Variants in SCARA5 observed in about 807,000 individuals in gnomAD.
SCARA5 encodes the protein scavenger receptor class A member 5.
Under a neutral mutation model 46.3 loss-of-function variants are expected in SCARA5, and 45 were observed. That is an observed-to-expected ratio of 0.97 (90% confidence interval 0.76 to 1.24). The LOEUF (loss-of-function observed/expected upper bound fraction) is 1.24. SCARA5 is among the 50% of genes most tolerant of loss of function. The probability of loss-of-function intolerance (pLI) is 0.00; values close to 1 mark genes in which losing one functional copy is unlikely to be tolerated. For synonymous variants in SCARA5, 333 were observed against 306.5 expected (o/e 1.09, Z -0.90); for missense variants, 680 against 689.0 (o/e 0.99, Z 0.15).
chr8:27,896,703 C>G (rs765432441), intron 7 of SCARA5, among the ~76,000 whole-genome samples: 1 of 152,128 alleles, frequency 6.6e-6, no homozygotes, highest in African/African-American at 2.4e-5. Flanking sequence ...CCATATACCC[C>G]CTCCTGCCAC....
At chr8:27,970,518 A>T (rs944670196) in intron 2 of SCARA5, among the ~76,000 whole-genome samples, 1 of 152,234 alleles carries the variant, frequency 6.6e-6, no homozygotes, top group Non-Finnish European at 1.5e-5. Context: ...AAGTTTCTGC[A>T]TAAACTGCCC....
intron 3 of SCARA5, among the ~76,000 whole-genome samples, chr8:27,957,724 C>T (rs890706025): frequency 6.6e-6 from 1 of 152,236 alleles, no homozygotes; most frequent in African/African-American, 2.4e-5. Context: ...TCAGTTTCCT[C>T]ATTTATAAAC....
chr8:27,983,695 G>A (rs13258858), intron 2 of SCARA5, among the ~76,000 whole-genome samples: 57,440 of 152,052 alleles, frequency 0.38, 11,311 homozygotes, highest in Middle Eastern at 0.52. Flanking sequence ...TCTCAGTGAA[G>A]ATGAGTCCTG....
chr8:27,879,432 C>T lies in SCARA5; in HGVS notation c.1351+137G>A, dbSNP rs530697639. 36 of 789,480 alleles carry T rather than the reference C, an allele frequency of 4.6e-5. No homozygotes were observed. The African/African-American group carries it at 5.9e-4, about 13-fold the overall frequency. 48.9% of individuals were successfully genotyped at this position (789,480 alleles called of 1,614,324 possible). On this transcript the variant is annotated intron_variant, in intron 8 of 8. Transcript: ENST00000354914. The stretch of plus-strand genomic sequence containing the variant: ...GTTGCCTGGGGCGGGGCAGTGAGTT[C>T]TTATTGCAGCAAGCATTTGGGGAGA...
At chr8:27,904,488 A>C in intron 7 of SCARA5, 1 of 533,968 alleles carries the variant, frequency 1.9e-6, no homozygotes, top group Non-Finnish European at 3.3e-6. Context: ...GAGAACACTG[A>C]GGCACAGAGA....
At chr8:27,875,488 G>C (rs1422621954) in intron 8 of SCARA5, among the ~76,000 whole-genome samples, 3 of 152,184 alleles carry the variant, frequency 2.0e-5, no homozygotes, top group Non-Finnish European at 2.9e-5. Context: ...CCTCAGGAAA[G>C]ATCATTGAGC....
At chr8:27,919,448 C>A (rs779848867) in intron 4 of SCARA5, among the ~76,000 whole-genome samples, 1 of 152,078 alleles carries the variant, frequency 6.6e-6, no homozygotes, top group Non-Finnish European at 1.5e-5. Context: ...AATTAAATAT[C>A]TCGAGAACAT....
Position 27,871,710 on chromosome 8 carries a change from G to A in SCARA5, c.*224C>T, listed in dbSNP as rs1657085795. The A allele has an allele frequency of 3.6e-6, 5 of 1,395,446 alleles. No homozygotes were observed. The highest frequency in any genetic ancestry group is 2.7e-5 in the East Asian group (1 of 37,696). The allele number at this position is 1,395,446 out of a possible 1,614,324, so 86.4% of individuals were successfully genotyped here. A position where few individuals can be genotyped will look rare whatever the true frequency, so the allele number is the denominator to read the frequency against. On this transcript the variant is annotated 3_prime_UTR_variant, in exon 9 of 9. Transcript: ENST00000354914. ...AGGGCTCCTCATGCAGGAACCTGGT[G>A]GAAGAGAGAGACGGGCAGTAGGTCC...
intron 8 of SCARA5, among the ~76,000 whole-genome samples, chr8:27,872,989 G>A (rs912755622): frequency 3.9e-5 from 6 of 152,134 alleles, no homozygotes; most frequent in Admixed American, 6.5e-5. Context: ...GATCATTCCC[G>A]GAGGAATTTG....
chr8:27,899,596 C>T (rs764665949), intron 7 of SCARA5, among the ~76,000 whole-genome samples: 31 of 152,226 alleles, frequency 2.0e-4, no homozygotes, highest in Admixed American at 4.6e-4. Context: ...GCCAAGGCTC[C>T]GCCATTACAA....
intron 3 of SCARA5, among the ~76,000 whole-genome samples, chr8:27,962,739 T>C (rs1808311616): frequency 6.6e-6 from 1 of 152,212 alleles, no homozygotes; most frequent in Admixed American, 6.5e-5. Flanking sequence ...CTCTCCTTTG[T>C]ATAATTTGGC....
chr8:27,890,523 C>T (rs908557035), intron 7 of SCARA5, among the ~76,000 whole-genome samples: 2 of 152,188 alleles, frequency 1.3e-5, no homozygotes, highest in African/African-American at 2.4e-5. Flanking sequence ...GAATAGATGG[C>T]GTGGAGGGCA....
rs572637807 is a variant in SCARA5, at chr8:27,924,810, C to T, written c.242-2565G>A. On this transcript the variant is annotated intron_variant, in intron 3 of 8. Transcript: ENST00000354914. ...AAACTCTCAGGATACAAAATCAATG[C>T]GCAAAAATCACAAGCATTCCTATAC... Among the ~76,000 whole-genome samples the T allele has an allele frequency of 3.6e-3, 554 of 152,172 alleles. 5 individuals carry two copies. The highest frequency in any genetic ancestry group is 0.012 in the African/African-American group (491 of 41,530).
intron 7 of SCARA5, among the ~76,000 whole-genome samples, chr8:27,884,116 T>C (rs1806854715): frequency 6.6e-6 from 1 of 152,134 alleles, no homozygotes. Context: ...CCAGGAATGA[T>C]GCTAAAGACT....
At chr8:27,954,260 G>T (rs1196107651) in intron 3 of SCARA5, among the ~76,000 whole-genome samples, 1 of 152,042 alleles carries the variant, frequency 6.6e-6, no homozygotes, top group Non-Finnish European at 1.5e-5. Flanking sequence ...ACCATGCTGG[G>T]GGCTGTGTTC....
intron 3 of SCARA5, among the ~76,000 whole-genome samples, chr8:27,957,478 G>A (rs1808223689): frequency 6.6e-6 from 1 of 152,200 alleles, no homozygotes; most frequent in Non-Finnish European, 1.5e-5. Context: ...AGGACATTAA[G>A]GATCAGGTAG....
chr8:27,944,725 C>A (rs1198293898), intron 3 of SCARA5, among the ~76,000 whole-genome samples: 1 of 141,296 alleles, frequency 7.1e-6, no homozygotes, highest in Non-Finnish European at 1.5e-5. Context: ...AAAAAAGTAG[C>A]TGGGCATGGT....
At chr8:27,945,303 C>G (rs1563534385) in intron 3 of SCARA5, among the ~76,000 whole-genome samples, 2 of 151,980 alleles carry the variant, frequency 1.3e-5, no homozygotes, top group African/African-American at 4.8e-5. Context: ...GCAGGCATGT[C>G]ACACACTGAC....
intron 1 of SCARA5, among the ~76,000 whole-genome samples, chr8:27,990,623 G>A (rs1411199012): frequency 6.6e-6 from 1 of 152,202 alleles, no homozygotes; most frequent in Non-Finnish European, 1.5e-5. Flanking sequence ...CAGCTGCAGG[G>A]TTGCTTTGTT....
Sources: allele counts gnomAD v4.1 joint callset (sites outside exome capture counted in the v4.1 genomes callset), GRCh38; gene constraint gnomAD v4.1.1; transcripts MANE v1.5; gene names NCBI Gene and HGNC (gene_info 2026-07-23, HGNC 2026-07-21).